BTRC: variants seen among roughly 807,000 people sequenced by gnomAD.
BTRC encodes beta-transducin repeat containing E3 ubiquitin protein ligase.
Under a neutral mutation model 85.5 loss-of-function variants are expected in BTRC, and 42 were observed. That is an observed-to-expected ratio of 0.49 (90% CI 0.38 to 0.64). The LOEUF is 0.64. BTRC is among the 30% of genes least tolerant of loss of function. The probability of loss-of-function intolerance (pLI) is 0.00; values close to 1 mark genes in which losing one functional copy is unlikely to be tolerated. For missense variants in BTRC, 594 were observed against 743.5 expected (o/e 0.80, Z 2.34); for synonymous variants, 255 against 263.3 (o/e 0.97, Z 0.30).
intron 2 of BTRC, among the ~76,000 whole-genome samples, chr10:101,449,560 C>G (rs7342129): frequency 6.6e-6 from 1 of 152,040 alleles, no homozygotes; most frequent in Non-Finnish European, 1.5e-5. Context: ...ACAAAAAAAT[C>G]TGTCCAAAAC....
intron 4 of BTRC, among the ~76,000 whole-genome samples, chr10:101,486,775 T>A (rs758657880): frequency 5.9e-5 from 9 of 152,220 alleles, no homozygotes; most frequent in Non-Finnish European, 1.3e-4. Flanking sequence ...GCATTTTCTT[T>A]ACAACATGAA....
At chr10:101,472,680 T>C (rs1212745319) in intron 3 of BTRC, among the ~76,000 whole-genome samples, 2 of 152,132 alleles carry the variant, frequency 1.3e-5, no homozygotes, top group Non-Finnish European at 2.9e-5. Context: ...CTGGGCATGG[T>C]GGCGCACACC....
chr10:101,372,366 C>T (rs1942662160), intron 1 of BTRC, among the ~76,000 whole-genome samples: 1 of 150,896 alleles, frequency 6.6e-6, no homozygotes, highest in African/African-American at 2.4e-5. Flanking sequence ...AAGTGATTCT[C>T]CTGCCTCAGC....
chr10:101,466,775 T>C (rs996247467), intron 3 of BTRC, among the ~76,000 whole-genome samples: 3 of 152,210 alleles, frequency 2.0e-5, no homozygotes, highest in Non-Finnish European at 4.4e-5. Flanking sequence ...TGTTAATGAC[T>C]GGGCCTTATA....
chr10:101,509,671 G>A (rs1294161270), intron 4 of BTRC, among the ~76,000 whole-genome samples: 2 of 147,804 alleles, frequency 1.4e-5, no homozygotes, highest in African/African-American at 5.1e-5. Context: ...TCCCACCTCA[G>A]CCTCCCAAGT....
chr10:101,440,183 G>T (rs997436961), intron 2 of BTRC, among the ~76,000 whole-genome samples: 11 of 151,730 alleles, frequency 7.2e-5, no homozygotes, highest in African/African-American at 2.7e-4. Flanking sequence ...AAAATATTTT[G>T]TAGTAATAAA....
intron 6 of BTRC, among the ~76,000 whole-genome samples, chr10:101,526,538 C>T (rs1182294909): frequency 6.6e-6 from 1 of 152,206 alleles, no homozygotes; most frequent in Non-Finnish European, 1.5e-5. Context: ...CCAGCACTTT[C>T]GGAGGCCAAG....
chr10:101,428,760 A>T (rs1289686578), intron 1 of BTRC, among the ~76,000 whole-genome samples: 1 of 152,216 alleles, frequency 6.6e-6, no homozygotes, highest in Admixed American at 6.5e-5. Flanking sequence ...GGTAAATAAA[A>T]TGAGGATAAT....
Position 101,521,524 on chromosome 10 carries a change from A to C in BTRC, c.325-115A>C, listed in dbSNP as rs530283972. 4.1e-6 allele frequency: 3 copies of C among 739,516 alleles called. No individual in the cohort carries two copies. The South Asian group carries it at 5.8e-5, about 14-fold the overall frequency. 45.8% of individuals were successfully genotyped at this position (739,516 alleles called of 1,614,324 possible). A position where few individuals can be genotyped will look rare whatever the true frequency, so the allele number is the denominator to read the frequency against. On this transcript the variant is annotated intron_variant, in intron 4 of 14. Transcript: ENST00000370187. Reference sequence around the variant, plus strand: ...TTTCCACGTAATTGCTAATAGAATAACAGAGTGGGCTCAATCATGTAGACA... The same window carrying C: ...TTTCCACGTAATTGCTAATAGAATACCAGAGTGGGCTCAATCATGTAGACA...
chr10:101,432,308 T>G (rs940639195), intron 2 of BTRC, among the ~76,000 whole-genome samples: 2 of 151,872 alleles, frequency 1.3e-5, no homozygotes, highest in Admixed American at 1.3e-4. Flanking sequence ...CTATTTTTTT[T>G]GTGGAGATAG....
intron 1 of BTRC, among the ~76,000 whole-genome samples, chr10:101,410,115 G>A (rs4919542): frequency 6.6e-6 from 1 of 152,158 alleles, no homozygotes; most frequent in African/African-American, 2.4e-5. Flanking sequence ...TAATTGTAAC[G>A]TCAAAAGCTT....
intron 13 of BTRC, among the ~76,000 whole-genome samples, chr10:101,543,471 T>G (rs2062505967): frequency 6.6e-6 from 1 of 151,930 alleles, no homozygotes. Context: ...TTTGTTTTTT[T>G]TTTTTCTTAA....
chr10:101,499,506 G>A (rs185506049), intron 4 of BTRC, among the ~76,000 whole-genome samples: 31 of 151,974 alleles, frequency 2.0e-4, no homozygotes, highest in South Asian at 4.2e-4. Context: ...AGGATTACAG[G>A]TATGAGCCAC....
chr10:101,509,137 T>C (rs926249005), intron 4 of BTRC, among the ~76,000 whole-genome samples: 1 of 151,852 alleles, frequency 6.6e-6, no homozygotes, highest in African/African-American at 2.4e-5. Context: ...GTCTCCCTGC[T>C]ATCACCATCT....
intron 6 of BTRC, among the ~76,000 whole-genome samples, chr10:101,527,670 C>T (rs1395501196): frequency 1.3e-5 from 2 of 151,974 alleles, no homozygotes; most frequent in Non-Finnish European, 2.9e-5. Context: ...GGGAGGATGG[C>T]TTGAGTCTGG....
chr10:101,407,513 A>G (rs1024174286), intron 1 of BTRC, among the ~76,000 whole-genome samples: 3 of 151,966 alleles, frequency 2.0e-5, no homozygotes, highest in African/African-American at 7.3e-5. Context: ...TCTGGCTTCA[A>G]GTGATTCTCG....
Position 101,540,606 on chromosome 10 carries a change from A to G in BTRC, c.1656+2235A>G, listed in dbSNP as rs79359403. On this transcript the variant is annotated intron_variant, in intron 13 of 14. Coordinates refer to ENST00000370187, the MANE Select transcript of BTRC (RefSeq NM_033637.4). The stretch of plus-strand genomic sequence containing the variant: ...TTGGGGCCTTTGATTTTTCATGTTA[A>G]TTTTAAAATCAGTTTGCCAAGTTCA... Among the ~76,000 whole-genome samples, 464 of 152,192 alleles carry G rather than the reference A, an allele frequency of 3.0e-3. 3 individuals are homozygous for G. The highest frequency in any genetic ancestry group is 0.014 in the Middle Eastern group (4 of 294).
chr10:101,554,255 T>A lies in BTRC; in HGVS notation c.*1132T>A, dbSNP rs1297339508. ...GGTAAGGCTCAGCCTACAGAAAGAT[T>A]TGAAATGGCCAGAGCCAATCGCTTG... is the stretch of plus-strand genomic sequence containing the variant. On this transcript the variant is annotated 3_prime_UTR_variant, in exon 15 of 15. Coordinates refer to ENST00000370187, the MANE Select transcript of BTRC (RefSeq NM_033637.4). 1 of 152,212 alleles carries A rather than the reference T, an allele frequency of 6.6e-6. No individual in the cohort carries two copies. The highest frequency in any genetic ancestry group is 1.9e-4 in the East Asian group (1 of 5,200). The allele number at this position is 152,212 out of a possible 1,614,324, so 9.4% of individuals were successfully genotyped here. A position where few individuals can be genotyped will look rare whatever the true frequency, so the allele number is the denominator to read the frequency against.
intron 6 of BTRC, among the ~76,000 whole-genome samples, chr10:101,528,631 C>T (rs532122954): frequency 6.6e-6 from 1 of 152,218 alleles, no homozygotes; most frequent in East Asian, 1.9e-4. Context: ...CCATTATTCC[C>T]TCGACTTTCT....
Sources: gnomAD v4.1 joint callset for allele counts (sites outside exome capture counted in the v4.1 genomes callset) on GRCh38, gnomAD v4.1.1 for gene constraint, MANE v1.5 for transcripts, NCBI Gene and HGNC (gene_info 2026-07-23, HGNC 2026-07-21) for gene names.